Variants in DCC observed in about 807,000 individuals in gnomAD.
The protein encoded by DCC is netrin receptor DCC.
Under a neutral mutation model 172.5 loss-of-function variants are expected in DCC, and 58 were observed. The observed-to-expected ratio is 0.34, with a 90% CI of 0.27 to 0.42. The LOEUF is 0.42. Among genes scored for constraint, DCC ranks in the 10% least tolerant of loss-of-function variants. The pLI, the probability that DCC is intolerant of heterozygous loss-of-function variation, is 1.00. For synonymous variants in DCC, 709 were observed against 644.5 expected (o/e 1.10, Z -1.52); for missense variants, 1,740 against 1,791.0 (o/e 0.97, Z 0.51).
chr18:52,908,973 G>A (rs1289189400), intron 3 of DCC, among the ~76,000 whole-genome samples: 1 of 152,098 alleles, frequency 6.6e-6, no homozygotes, highest in Non-Finnish European at 1.5e-5. Context: ...TATGCTAGCT[G>A]CCAAATAAAG....
At chr18:53,213,126 A>C (rs2055783902) in intron 11 of DCC, among the ~76,000 whole-genome samples, 1 of 152,222 alleles carries the variant, frequency 6.6e-6, no homozygotes, top group Admixed American at 6.5e-5. Flanking sequence ...AATGAAAGTG[A>C]CATTTAAGGG....
chr18:52,863,902 G>C (rs983060418), intron 2 of DCC, among the ~76,000 whole-genome samples: 1 of 151,996 alleles, frequency 6.6e-6, no homozygotes, highest in African/African-American at 2.4e-5. Context: ...TGATAACTCA[G>C]CAGACTTACT....
intron 2 of DCC, among the ~76,000 whole-genome samples, chr18:52,787,812 A>G (rs1025656433): frequency 2.6e-5 from 4 of 152,064 alleles, no homozygotes; most frequent in African/African-American, 9.7e-5. Context: ...CAAAATGATG[A>G]CTCAAAAAGC....
At chr18:53,099,441 A>G (rs1015612049) in intron 7 of DCC, among the ~76,000 whole-genome samples, 5 of 152,124 alleles carry the variant, frequency 3.3e-5, no homozygotes, top group Non-Finnish European at 7.4e-5. Flanking sequence ...TACTTTACCC[A>G]CAAAGCTCTA....
In DCC at chr18:53,255,664, G is replaced by A. The variant is rs148443708; in HGVS notation, c.1911+40067G>A. Among the ~76,000 whole-genome samples the A allele has an allele frequency of 9.9e-5, 15 of 152,042 alleles. No homozygotes were observed. In the East Asian group the frequency reaches 1.7e-3, roughly 18 times the overall value. Reference sequence around the variant, plus strand: ...AGTCTTTGCTATTGGGAATAGTGCCGCAGTAAACATACATGTGCATGTCTT... The same window carrying A: ...AGTCTTTGCTATTGGGAATAGTGCCACAGTAAACATACATGTGCATGTCTT... On this transcript the variant is annotated intron_variant, in intron 12 of 28. Coordinates refer to ENST00000442544, the MANE Select transcript of DCC (RefSeq NM_005215.4).
intron 5 of DCC, among the ~76,000 whole-genome samples, chr18:53,035,081 T>A (rs543695930): frequency 2.6e-5 from 4 of 152,160 alleles, no homozygotes; most frequent in Non-Finnish European, 5.9e-5. Context: ...TGAGGATACA[T>A]GTGATATTTT....
rs571771904 is a variant in DCC, at chr18:52,886,270, TTTAC to T, written c.413-19770_413-19767del. On this transcript the variant is annotated intron_variant, in intron 2 of 28. Coordinates refer to ENST00000442544, the MANE Select transcript of DCC (RefSeq NM_005215.4). The stretch of plus-strand genomic sequence containing the variant: ...TTTGTGTCCTACAGTGCCTTTTGAG[TTTAC>T]TTAGAACCCCAGAGCGCTTTGGACC... Among the ~76,000 whole-genome samples, 183 of 152,078 alleles carry T rather than the reference TTTAC, an allele frequency of 1.2e-3. 1 individual carries two copies. The highest frequency in any genetic ancestry group is 4.2e-3 in the African/African-American group (173 of 41,488).
intron 24 of DCC, among the ~76,000 whole-genome samples, chr18:53,463,179 T>C (rs1391131733): frequency 5.3e-5 from 8 of 152,234 alleles, no homozygotes. Context: ...CTCACTGCCC[T>C]AAGGAGGTTT....
At chr18:53,040,273 C>T (rs2042151687) in intron 5 of DCC, among the ~76,000 whole-genome samples, 1 of 151,850 alleles carries the variant, frequency 6.6e-6, no homozygotes, top group Non-Finnish European at 1.5e-5. Flanking sequence ...AAATCCCAAC[C>T]CAATAACCTG....
chr18:52,812,047 G>A (rs1251376674), intron 2 of DCC, among the ~76,000 whole-genome samples: 1 of 152,150 alleles, frequency 6.6e-6, no homozygotes, highest in African/African-American at 2.4e-5. Flanking sequence ...CCATGAAAGT[G>A]GTTTGAGAAG....
At chr18:53,039,642 C>G (rs2042142615) in intron 5 of DCC, among the ~76,000 whole-genome samples, 1 of 151,924 alleles carries the variant, frequency 6.6e-6, no homozygotes, top group African/African-American at 2.4e-5. Context: ...GGGAGGCTCT[C>G]CCTAGCATGA....
At chr18:52,620,879 G>A (rs904609140) in intron 1 of DCC, among the ~76,000 whole-genome samples, 6 of 152,224 alleles carry the variant, frequency 3.9e-5, no homozygotes, top group South Asian at 2.1e-4. Flanking sequence ...ACTGGCCTCT[G>A]TGTATATGCT....
chr18:52,883,353 TG>T (rs369264535), intron 2 of DCC, among the ~76,000 whole-genome samples: 58 of 30,176 alleles, frequency 1.9e-3, no homozygotes, highest in African/African-American at 2.8e-3. Flanking sequence ...TTTATTTATG[TG>T]TGTGTGTGTG....
intron 5 of DCC, among the ~76,000 whole-genome samples, chr18:53,040,218 A>G (rs1481982909): frequency 6.6e-6 from 1 of 152,056 alleles, no homozygotes; most frequent in Non-Finnish European, 1.5e-5. Context: ...AACAGTTACT[A>G]TGTGCTAGGC....
intron 14 of DCC, among the ~76,000 whole-genome samples, chr18:53,325,172 G>A (rs1280881166): frequency 1.7e-5 from 2 of 118,290 alleles, no homozygotes; most frequent in African/African-American, 6.5e-5. Context: ...CAGCCTGTGA[G>A]ACAGAGCAAG....
chr18:52,616,326 G>A (rs111408339), intron 1 of DCC, among the ~76,000 whole-genome samples: 3,165 of 151,832 alleles, frequency 0.021, 131 homozygotes, highest in African/African-American at 0.073. Flanking sequence ...TTGGTTAGAC[G>A]GGACTATCAT....
chr18:52,959,427 G>T (rs954931051), intron 5 of DCC, among the ~76,000 whole-genome samples: 1 of 151,934 alleles, frequency 6.6e-6, no homozygotes, highest in Non-Finnish European at 1.5e-5. Flanking sequence ...CCCTCTAAAC[G>T]CAGGCATATA....
At chr18:52,808,775 A>G (rs2038137595) in intron 2 of DCC, among the ~76,000 whole-genome samples, 1 of 152,048 alleles carries the variant, frequency 6.6e-6, no homozygotes, top group Admixed American at 6.5e-5. Context: ...CTTAAGTTTA[A>G]CCCCATTGTC....
At chr18:52,822,256 A>G (rs2038420791) in intron 2 of DCC, among the ~76,000 whole-genome samples, 1 of 152,212 alleles carries the variant, frequency 6.6e-6, no homozygotes, top group Non-Finnish European at 1.5e-5. Flanking sequence ...CTATTCCAAC[A>G]GGCAATACCA....
Sources: allele counts gnomAD v4.1 joint callset (sites outside exome capture counted in the v4.1 genomes callset), GRCh38; gene constraint gnomAD v4.1.1; transcripts MANE v1.5; gene names NCBI Gene and HGNC (gene_info 2026-07-23, HGNC 2026-07-21).